Variants in UBE3C observed in about 807,000 individuals in gnomAD.
UBE3C encodes ubiquitin-protein ligase E3C.
Under a neutral mutation model 129.4 loss-of-function variants are expected in UBE3C, and 42 were observed. The ratio of observed to expected loss-of-function variants is 0.32; its 90% CI spans 0.25 to 0.42. UBE3C has a LOEUF of 0.42. UBE3C is among the 10% of genes least tolerant of loss of function. The probability of loss-of-function intolerance (pLI) is 1.00; values close to 1 mark genes in which losing one functional copy is unlikely to be tolerated. For synonymous variants in UBE3C, 510 were observed against 492.4 expected (o/e 1.04, Z -0.47); for missense variants, 1,049 against 1,319.1 (o/e 0.80, Z 3.17).
chr7:157,244,486 AT>A (rs1315899609), intron 18 of UBE3C, among the ~76,000 whole-genome samples: 1 of 152,216 alleles, frequency 6.6e-6, no homozygotes, highest in East Asian at 1.9e-4. Flanking sequence ...CTCAGTTAGG[AT>A]GGCTTTAAAG....
intron 18 of UBE3C, among the ~76,000 whole-genome samples, chr7:157,233,008 T>C (rs947871840): frequency 1.3e-5 from 2 of 152,160 alleles, no homozygotes; most frequent in Non-Finnish European, 2.9e-5. Flanking sequence ...AGCAATGTCA[T>C]CATCCCAAAA....
rs370620880 is a variant in UBE3C, at chr7:157,254,012, C to T, written c.2753C>T (p.Ala918Val). The change falls in exon 20 of 23, where the codon GCG (alanine) becomes GTG (valine). Residue 918 changes from alanine (A) to valine (V), a missense_variant. By Grantham distance (64) the Ala-to-Val change is moderately conservative. Transcript: ENST00000348165. ...CCTGTCACCAGCGCCAACCGGATTGCGTACATCCACTTGGTGGCAGACTAC... is the reference window on the plus strand; with the variant it reads ...CCTGTCACCAGCGCCAACCGGATTGTGTACATCCACTTGGTGGCAGACTAC... ...DIPVTSANRI[A>V]YIHLVADYRL... The T allele has an allele frequency of 6.8e-6, 11 of 1,612,770 alleles. No homozygotes were observed. Among genetic ancestry groups the T allele is most frequent in the Middle Eastern group, 1.6e-4 (1 of 6,080 alleles).
In UBE3C at chr7:157,139,020, GCCC is replaced by G. The variant is rs1266956215; in HGVS notation, c.-252_-250del. 6.5e-6 allele frequency: 1 copy of G among 154,308 alleles called. No homozygotes were observed. The highest frequency in any genetic ancestry group is 1.4e-5 in the Non-Finnish European group (1 of 69,884). The allele number at this position is 154,308 out of a possible 1,614,324, so 9.6% of individuals were successfully genotyped here. On this transcript the variant is annotated 5_prime_UTR_variant, in exon 1 of 23. Coordinates refer to ENST00000348165, the MANE Select transcript of UBE3C (RefSeq NM_014671.3). Reference sequence around the variant, plus strand: ...CTGCCCGCTGGGCGCCCCTGCAGCGGCCCGAGCTGTGGCCGGCGTGGATGAGGG... The same window carrying G: ...CTGCCCGCTGGGCGCCCCTGCAGCGGGAGCTGTGGCCGGCGTGGATGAGGG...
At chr7:157,197,163 CT>C (rs1182893663) in intron 10 of UBE3C, among the ~76,000 whole-genome samples, 1 of 152,160 alleles carries the variant, frequency 6.6e-6, no homozygotes, top group Non-Finnish European at 1.5e-5. Context: ...AAACTAGACA[CT>C]TTTCAGTATT....
intron 1 of UBE3C, among the ~76,000 whole-genome samples, chr7:157,154,878 C>G (rs1405693363): frequency 6.6e-6 from 1 of 152,134 alleles, no homozygotes; most frequent in African/African-American, 2.4e-5. Context: ...GAAATGTAGG[C>G]TATACTGAAA....
chr7:157,189,000 G>T, intron 10 of UBE3C: 1 of 589,158 alleles, frequency 1.7e-6, no homozygotes, highest in Non-Finnish European at 3.1e-6. Context: ...AAAGATTTCC[G>T]AGACAGATGC....
chr7:157,184,010 C>A lies in UBE3C; in HGVS notation c.1124C>A (p.Ala375Asp). The A allele has an allele frequency of 6.2e-7, 1 of 1,614,094 alleles. No homozygotes were observed. The highest frequency in any genetic ancestry group is 8.5e-7 in the Non-Finnish European group (1 of 1,179,992). ...GACTCTGAGGAGGAGAGTGAAGAAG[C>A]CGACAAGCCCTCAAGCCCGGTAAGC... ...ASDSEEESEEADKPSSPEDGR... is the reference protein window; with the variant it reads ...ASDSEEESEEDDKPSSPEDGR... The change falls in exon 9 of 23, where the codon GCC (alanine) becomes GAC (aspartate). Residue 375 changes from alanine (A) to aspartate (D), a missense_variant. Coordinates refer to ENST00000348165, the MANE Select transcript of UBE3C (RefSeq NM_014671.3).
intron 10 of UBE3C, among the ~76,000 whole-genome samples, chr7:157,200,390 T>G (rs1054220288): frequency 6.6e-6 from 1 of 152,242 alleles, no homozygotes; most frequent in Non-Finnish European, 1.5e-5. Context: ...AACAATGCAT[T>G]TGATGTTTTG....
chr7:157,192,288 T>A lies in UBE3C; in HGVS notation c.1331+5267T>A, dbSNP rs59797848. 879 of 415,786 alleles carry A rather than the reference T, an allele frequency of 2.1e-3. 23 individuals carry two copies. The East Asian group carries it at 0.043, about 21-fold the overall frequency. The allele number at this position is 415,786 out of a possible 1,614,324, so 25.8% of individuals were successfully genotyped here. Reference sequence around the variant, plus strand: ...TAAATCCCTACCACGTTTTTAAAGTTTTCTTTTAAGCTTGTTAAGAAATAG... The same window carrying A: ...TAAATCCCTACCACGTTTTTAAAGTATTCTTTTAAGCTTGTTAAGAAATAG... On this transcript the variant is annotated intron_variant, in intron 10 of 22. Transcript: ENST00000348165.
chr7:157,177,689 C>T (rs879380986), intron 5 of UBE3C, among the ~76,000 whole-genome samples: 3 of 152,232 alleles, frequency 2.0e-5, no homozygotes, highest in Non-Finnish European at 4.4e-5. Context: ...GGGTGTCCTG[C>T]CCAGCCTGCC....
chr7:157,204,295 TG>T (rs1486786945), intron 11 of UBE3C, among the ~76,000 whole-genome samples: 8 of 150,828 alleles, frequency 5.3e-5, no homozygotes, highest in African/African-American at 7.3e-5. Flanking sequence ...ACAGCTTTAG[TG>T]GGCAGAAGTA....
At chr7:157,171,375 A>G (rs530228486) in intron 4 of UBE3C, among the ~76,000 whole-genome samples, 13 of 151,858 alleles carry the variant, frequency 8.6e-5, no homozygotes, top group African/African-American at 3.1e-4. Flanking sequence ...TGATCCTCCC[A>G]CCTCATCCTC....
rs1434008410 is a variant in UBE3C at position 157,195,388 on chromosome 7, A to G, written c.1332-6333A>G. ...GATAAGCTGATACTCAGCTGCAAAC[A>G]TGTGCTACCTTTTGTGAAAAAGTAA... On this transcript the variant is annotated intron_variant, in intron 10 of 22. Coordinates refer to ENST00000348165, the MANE Select transcript of UBE3C (RefSeq NM_014671.3). Among the ~76,000 whole-genome samples the G allele has an allele frequency of 2.0e-5, 3 of 152,218 alleles. No individual in the cohort carries two copies. In the East Asian group the frequency reaches 5.8e-4, roughly 29 times the overall value.
chr7:157,155,813 G>T (rs1449894592), intron 1 of UBE3C, among the ~76,000 whole-genome samples: 1 of 152,226 alleles, frequency 6.6e-6, no homozygotes, highest in Non-Finnish European at 1.5e-5. Context: ...ACCCAGAGCA[G>T]TTGGCTGTGC....
chr7:157,171,408 A>G (rs1808362430), intron 4 of UBE3C, among the ~76,000 whole-genome samples: 1 of 152,006 alleles, frequency 6.6e-6, no homozygotes, highest in Non-Finnish European at 1.5e-5. Flanking sequence ...AATTATAAGC[A>G]TAAGCCACCA....
intron 5 of UBE3C, among the ~76,000 whole-genome samples, chr7:157,176,133 C>A (rs949327494): frequency 2.0e-5 from 3 of 152,230 alleles, no homozygotes; most frequent in Admixed American, 6.5e-5. Flanking sequence ...TATAATTATT[C>A]TTTTCCCAAC....
intron 10 of UBE3C, among the ~76,000 whole-genome samples, chr7:157,194,077 CT>C (rs1369844772): frequency 2.6e-5 from 4 of 152,136 alleles, no homozygotes; most frequent in Non-Finnish European, 4.4e-5. Flanking sequence ...GGACAATGCC[CT>C]TTGATTTACA....
At chr7:157,236,493 A>T (rs1185531705) in intron 18 of UBE3C, among the ~76,000 whole-genome samples, 1 of 152,184 alleles carries the variant, frequency 6.6e-6, no homozygotes, top group African/African-American at 2.4e-5. Context: ...GGTAGAATTC[A>T]GTGTGCATTT....
Position 157,231,217 on chromosome 7 carries a change from T to A in UBE3C, c.2371T>A (p.Phe791Ile). Residue 791 changes from phenylalanine to isoleucine, a missense_variant, in exon 18 of 23, where the codon TTC (phenylalanine) becomes ATC (isoleucine). Physicochemically the swap from Phe to Ile is conservative, Grantham distance 21. This residue lies in a region of UBE3C where 243 missense variants were observed against 368.7 expected (regional missense o/e 0.66). Transcript: ENST00000348165. ...GTCAGGATTTAACCCCAACCAGGGG[T>A]TCTTTAAGACTACTAATGAAGGGCT... ...LKSGFNPNQG[F>I]FKTTNEGLLY... 6.2e-7 allele frequency: 1 copy of A among 1,613,976 alleles called. No homozygotes were observed. Among genetic ancestry groups the A allele is most frequent in the East Asian group, 2.2e-5 (1 of 44,874 alleles).
Sources: allele counts gnomAD v4.1 joint callset (sites outside exome capture counted in the v4.1 genomes callset), GRCh38; gene constraint gnomAD v4.1.1; regional missense constraint gnomAD v4.1.1; transcripts MANE v1.5; gene names NCBI Gene and HGNC (gene_info 2026-07-23, HGNC 2026-07-21).